Variants in FBXL5 observed in about 807,000 individuals in gnomAD.
FBXL5 encodes the protein F-box and leucine rich repeat protein 5.
FBXL5 carries 26 observed loss-of-function variants against 78.3 expected under a neutral mutation model. That is an observed-to-expected ratio of 0.33 (90% CI 0.24 to 0.46). The LOEUF is 0.46. FBXL5 is among the 20% of genes least tolerant of loss of function. FBXL5 has a pLI of 1.00. For synonymous variants in FBXL5, 295 were observed against 282.5 expected (o/e 1.04, Z -0.45); for missense variants, 710 against 829.2 (o/e 0.86, Z 1.77).
At chr4:15,654,942 T>G (rs1052773022) in intron 1 of FBXL5, among the ~76,000 whole-genome samples, 1 of 151,618 alleles carries the variant, frequency 6.6e-6, no homozygotes, top group Non-Finnish European at 1.5e-5. Flanking sequence ...GTAGCGCCCC[T>G]CCTCAGCCGC....
At chr4:15,606,116 T>C (rs1387797075) in intron 10 of FBXL5, among the ~76,000 whole-genome samples, 4 of 152,082 alleles carry the variant, frequency 2.6e-5, no homozygotes, top group African/African-American at 9.7e-5. Flanking sequence ...AGCTAACTTA[T>C]AAAAAGATTC....
Position 15,627,905 on chromosome 4 carries a change from A to C in FBXL5, c.1021T>G (p.Ser341Ala). ...SVKTLVLAYS[S>A]AVSSKMVRQI... ...CATACCATTTTGCTGGAAACTGCAG[A>C]GCTGTATGCTAATACTAAGGTTTTT... is the stretch of plus-strand genomic sequence containing the variant. Residue 341 changes from serine (S) to alanine (A), a missense_variant, in exon 7 of 11, where the codon TCT becomes GCT. Physicochemically the swap from Ser to Ala is moderately conservative, Grantham distance 99. Around this residue, in one of 4 missense-constraint regions of FBXL5, gnomAD observed 517 missense variants for 542.9 expected, o/e 0.95. Transcript: ENST00000341285. 2.5e-6 allele frequency: 4 copies of C among 1,612,220 alleles called. No homozygotes were observed. The highest frequency in any genetic ancestry group is 3.4e-6 in the Non-Finnish European group (4 of 1,179,426).
intron 9 of FBXL5, among the ~76,000 whole-genome samples, chr4:15,612,749 T>C (rs1722353869): frequency 6.6e-6 from 1 of 152,172 alleles, no homozygotes; most frequent in Non-Finnish European, 1.5e-5. Flanking sequence ...GTAAAAATTA[T>C]CAAGAAAATT....
chr4:15,669,935 G>T (rs1209764762), intron 1 of FBXL5, among the ~76,000 whole-genome samples: 1 of 152,064 alleles, frequency 6.6e-6, no homozygotes, highest in East Asian at 1.9e-4. Context: ...AATCACCCTA[G>T]GTACTATATG....
intron 5 of FBXL5, among the ~76,000 whole-genome samples, chr4:15,635,727 T>G (rs1333047132): frequency 7.3e-6 from 1 of 136,426 alleles, no homozygotes; most frequent in African/African-American, 2.8e-5. Flanking sequence ...CACTCTTGCC[T>G]GGGCAACATG....
chr4:15,630,888 A>G, intron 5 of FBXL5, 97 bp from the exon 6 acceptor site: 1 of 1,479,214 alleles, frequency 6.8e-7, no homozygotes, highest in South Asian at 1.2e-5. Flanking sequence ...CTCTACAAAG[A>G]GAAAACATCT....
At chr4:15,647,124 G>A (rs1577474132) in intron 1 of FBXL5, among the ~76,000 whole-genome samples, 1 of 146,974 alleles carries the variant, frequency 6.8e-6, no homozygotes. Context: ...TCGGGAGGCT[G>A]AGACAGGAGA....
chr4:15,625,328 A>AT lies in FBXL5; in HGVS notation c.1773dup (p.Ser592IlefsTer2). On this transcript the variant is annotated frameshift_variant, in exon 9 of 11. Transcript: ENST00000341285. LOFTEE classifies it high-confidence loss of function. ...AGTACACGTCCAGTCTCTTGATCAG[A>AT]TTTTTCACTCCCAAAGTAAATTAAG... 1 of 1,614,158 alleles carries AT rather than the reference A, an allele frequency of 6.2e-7. No individual in the cohort carries two copies. The highest frequency in any genetic ancestry group is 8.5e-7 in the Non-Finnish European group (1 of 1,180,024).
chr4:15,606,877 T>G (rs1721923814), intron 10 of FBXL5, among the ~76,000 whole-genome samples: 1 of 152,174 alleles, frequency 6.6e-6, no homozygotes, highest in Non-Finnish European at 1.5e-5. Context: ...ACTTTTTATT[T>G]TCTAAAACAG....
intron 9 of FBXL5, among the ~76,000 whole-genome samples, chr4:15,621,090 T>G (rs1712430170): frequency 6.6e-6 from 1 of 152,224 alleles, no homozygotes; most frequent in African/African-American, 2.4e-5. Context: ...TGTGTGTCTT[T>G]AATTCCTCTA....
intron 9 of FBXL5, among the ~76,000 whole-genome samples, chr4:15,613,653 G>A (rs1280171684): frequency 6.6e-6 from 1 of 151,824 alleles, no homozygotes; most frequent in Non-Finnish European, 1.5e-5. Context: ...TCTTTGTTGG[G>A]TTGGGTTAAT....
intron 1 of FBXL5, among the ~76,000 whole-genome samples, chr4:15,652,518 G>A (rs1197951757): frequency 6.6e-6 from 1 of 152,068 alleles, no homozygotes; most frequent in Middle Eastern, 3.2e-3. Flanking sequence ...GAAATCCATG[G>A]GCAAAGTATT....
At chr4:15,606,231 T>C (rs1721878296) in intron 10 of FBXL5, among the ~76,000 whole-genome samples, 1 of 152,142 alleles carries the variant, frequency 6.6e-6, no homozygotes, top group Admixed American at 6.6e-5. Context: ...CAATAAATAT[T>C]ATCTTCAAAT....
chr4:15,611,091 A>G (rs1054637993), intron 10 of FBXL5, among the ~76,000 whole-genome samples: 3 of 152,074 alleles, frequency 2.0e-5, no homozygotes, highest in Non-Finnish European at 2.9e-5. Context: ...ACCAACTATG[A>G]TGACATTCAC....
At chr4:15,661,748 A>C (rs1717321315), upstream of FBXL5, among the ~76,000 whole-genome samples, 1 of 152,154 alleles carries the variant, frequency 6.6e-6, no homozygotes, top group Non-Finnish European at 1.5e-5. Flanking sequence ...TCAGTTTTTA[A>C]GGATCAGGAA....
chr4:15,671,715 G>A (rs566685997), intron 1 of FBXL5, among the ~76,000 whole-genome samples: 21 of 152,060 alleles, frequency 1.4e-4, no homozygotes, highest in African/African-American at 4.8e-4. Flanking sequence ...ACACACTAGG[G>A]TGCTTAAACT....
At chr4:15,630,437 T>C (rs892747571) in intron 6 of FBXL5, among the ~76,000 whole-genome samples, 4 of 152,194 alleles carry the variant, frequency 2.6e-5, no homozygotes, top group African/African-American at 9.6e-5. Flanking sequence ...CATTTTCTGA[T>C]TTTTGATTTT....
At chr4:15,655,144 C>G (rs1716716315) in intron 1 of FBXL5, 60 bp downstream of exon 1, 1 of 1,289,350 alleles carries the variant, frequency 7.8e-7, no homozygotes, top group Non-Finnish European at 1.0e-6. Flanking sequence ...CCCCAAGAAC[C>G]CAGCCCGCTC....
chr4:15,673,875 C>A (rs1717861433), intron 1 of FBXL5, among the ~76,000 whole-genome samples: 1 of 152,222 alleles, frequency 6.6e-6, no homozygotes, highest in South Asian at 2.1e-4. Flanking sequence ...TAGAAATTCT[C>A]CCAAGGCAAT....
Sources: allele counts gnomAD v4.1 joint callset (sites outside exome capture counted in the v4.1 genomes callset), GRCh38; gene constraint gnomAD v4.1.1; regional missense constraint gnomAD v4.1.1; transcripts MANE v1.5; gene names NCBI Gene and HGNC (gene_info 2026-07-23, HGNC 2026-07-21).